Variants in PSD3 observed in about 807,000 individuals in gnomAD.
PSD3 encodes the protein PH and SEC7 domain-containing protein 3.
Under a neutral mutation model 105.5 loss-of-function variants are expected in PSD3, and 49 were observed. That is an observed-to-expected ratio of 0.46 (90% CI 0.37 to 0.59). The LOEUF (loss-of-function observed/expected upper bound fraction) is 0.59, where lower values mean the gene tolerates loss of function less well. Among genes scored for constraint, PSD3 ranks in the 20% least tolerant of loss-of-function variants. The pLI, the probability that PSD3 is intolerant of heterozygous loss-of-function variation, is 0.00. For missense variants in PSD3, 1,561 were observed against 1,263.8 expected (o/e 1.24, Z -3.57); for synonymous variants, 557 against 457.8 (o/e 1.22, Z -2.77).
intron 10 of PSD3, among the ~76,000 whole-genome samples, chr8:18,647,985 A>G (rs2130823047): frequency 6.6e-6 from 1 of 152,306 alleles, no homozygotes; most frequent in African/African-American, 2.4e-5. Context: ...AGCAGATGCC[A>G]GCACCACGCT....
At chr8:18,982,275 T>C (rs976229984) in intron 1 of PSD3, among the ~76,000 whole-genome samples, 7 of 152,216 alleles carry the variant, frequency 4.6e-5, no homozygotes, top group Non-Finnish European at 7.3e-5. Flanking sequence ...TTAATTCTAG[T>C]TCTCTTGCTA....
intron 10 of PSD3, among the ~76,000 whole-genome samples, chr8:18,650,506 G>A (rs906926250): frequency 6.6e-6 from 1 of 152,222 alleles, no homozygotes; most frequent in Non-Finnish European, 1.5e-5. Context: ...ATATGACGTA[G>A]CAGAGACCTT....
intron 2 of PSD3, among the ~76,000 whole-genome samples, chr8:18,933,515 T>A (rs1197152690): frequency 2.0e-5 from 3 of 152,348 alleles, no homozygotes; most frequent in African/African-American, 7.2e-5. Flanking sequence ...TCATCCAGGC[T>A]GAAGTGCAGT....
rs150729280 is a variant in PSD3, at chr8:18,695,300, C to T, written c.2173-39615G>A. On this transcript the variant is annotated intron_variant, in intron 9 of 15. Coordinates refer to ENST00000327040, the MANE Select transcript of PSD3 (RefSeq NM_015310.4). ...ACTGCAGACACAACAGTCATTGATA[C>T]CTGTCAGCCCCAAATCAGCCTTGCA... Among the ~76,000 whole-genome samples, 858 of 152,328 alleles carry T rather than the reference C, an allele frequency of 5.6e-3. 1 individual carries two copies. Among genetic ancestry groups the T allele is most frequent in the Non-Finnish European group, 8.5e-3 (577 of 68,022 alleles).
chr8:19,039,637 C>T (rs968088433), intron 1 of PSD3, among the ~76,000 whole-genome samples: 3 of 152,210 alleles, frequency 2.0e-5, no homozygotes, highest in Admixed American at 6.5e-5. Flanking sequence ...ACACCTGTGG[C>T]TCCTGATGTC....
At position 18,575,936 on chromosome 8, in the gene PSD3, T is replaced by C. The variant is rs114346149; in HGVS notation, c.2482-651A>G. 6.5e-3 allele frequency among the ~76,000 whole-genome samples: 989 copies of C among 152,282 alleles called. 13 individuals are homozygous for C. The highest frequency in any genetic ancestry group is 0.022 in the African/African-American group (920 of 41,554). The stretch of plus-strand genomic sequence containing the variant: ...ATATGCTACCAACTGTTAGATATTT[T>C]CTAGAGTTTAAGGCCTCCCTTCCTC... On this transcript the variant is annotated intron_variant, in intron 12 of 15. Coordinates refer to ENST00000327040, the MANE Select transcript of PSD3 (RefSeq NM_015310.4).
chr8:19,044,806 TG>T (rs144658238), intron 1 of PSD3, among the ~76,000 whole-genome samples: 27,298 of 152,150 alleles, frequency 0.18, 3,845 homozygotes, highest in African/African-American at 0.4. Context: ...AATAGGAGTT[TG>T]GTGGAGAGAC....
intron 1 of PSD3, among the ~76,000 whole-genome samples, chr8:18,961,066 T>G (rs536083802): frequency 2.6e-4 from 40 of 152,238 alleles, no homozygotes; most frequent in Admixed American, 7.9e-4. Flanking sequence ...CCCTCCAGCC[T>G]GGGTGACAGA....
At chr8:18,591,114 T>G (rs887455140) in intron 12 of PSD3, among the ~76,000 whole-genome samples, 1 of 151,920 alleles carries the variant, frequency 6.6e-6, no homozygotes, top group Non-Finnish European at 1.5e-5. Flanking sequence ...AGTGAAGAGG[T>G]TGTAGTACCC....
At chr8:18,768,164 T>TA (rs1807190425) in intron 8 of PSD3, among the ~76,000 whole-genome samples, 1 of 148,066 alleles carries the variant, frequency 6.8e-6, no homozygotes, top group African/African-American at 2.5e-5. Flanking sequence ...CGGGCGCCTG[T>TA]AATCCCAGCT....
At chr8:19,045,370 C>G (rs907551045) in intron 1 of PSD3, among the ~76,000 whole-genome samples, 1 of 151,980 alleles carries the variant, frequency 6.6e-6, no homozygotes, top group Non-Finnish European at 1.5e-5. Context: ...GACAAGGGAC[C>G]TGTATATCCC....
intron 4 of PSD3, among the ~76,000 whole-genome samples, chr8:18,809,868 A>C (rs533841062): frequency 1.3e-5 from 2 of 152,292 alleles, no homozygotes; most frequent in African/African-American, 4.8e-5. Flanking sequence ...AAAACAAAAC[A>C]AAAACAAAAA....
intron 9 of PSD3, among the ~76,000 whole-genome samples, chr8:18,666,897 G>A (rs1289893619): frequency 7.9e-5 from 12 of 152,148 alleles, no homozygotes; most frequent in Non-Finnish European, 7.4e-5. Flanking sequence ...GAATTGGTGG[G>A]TTCTTGGTCT....
At chr8:19,044,174 C>G (rs953450786) in intron 1 of PSD3, among the ~76,000 whole-genome samples, 1 of 152,218 alleles carries the variant, frequency 6.6e-6, no homozygotes, top group African/African-American at 2.4e-5. Context: ...CATTTGGCTC[C>G]TGCTTATCAA....
chr8:18,862,564 G>C (rs1156358698), intron 4 of PSD3, among the ~76,000 whole-genome samples: 1 of 152,114 alleles, frequency 6.6e-6, no homozygotes, highest in Non-Finnish European at 1.5e-5. Flanking sequence ...ACCAATGGCA[G>C]AAAAGAAGCC....
intron 9 of PSD3, among the ~76,000 whole-genome samples, chr8:18,726,857 T>C (rs926420628): frequency 6.6e-6 from 1 of 152,152 alleles, no homozygotes; most frequent in African/African-American, 2.4e-5. Flanking sequence ...ATTTCCACTA[T>C]CCAGACAGTC....
intron 11 of PSD3, among the ~76,000 whole-genome samples, chr8:18,628,089 CAA>C (rs1000092797): frequency 1.8e-4 from 27 of 151,768 alleles, no homozygotes; most frequent in African/African-American, 5.6e-4. Flanking sequence ...ACTGAAATGA[CAA>C]AGAGTTAAAA....
rs748914113 is a variant in PSD3, at chr8:18,799,280, C to T, written c.2082+15G>A. 1.3e-5 allele frequency: 20 copies of T among 1,589,352 alleles called. No individual in the cohort carries two copies. The highest frequency in any genetic ancestry group is 1.6e-5 in the Non-Finnish European group (19 of 1,157,652). On this transcript the variant is annotated intron_variant, in intron 8 of 15. Transcript: ENST00000327040. ...CGACATGTTTTGGATCTAAGTTTCACAAATCCACACTTACGTGGCCATGTA... is the reference window on the plus strand; with the variant it reads ...CGACATGTTTTGGATCTAAGTTTCATAAATCCACACTTACGTGGCCATGTA...
intron 9 of PSD3, among the ~76,000 whole-genome samples, chr8:18,752,657 TTATATTTGATATATATCA>T (rs1805705796): frequency 9.6e-6 from 1 of 103,948 alleles, no homozygotes; most frequent in Non-Finnish European, 1.8e-5. Context: ...ATATAATATA[TTATATTTGATATATATCA>T]AATATATAAT....
Sources: gnomAD v4.1 joint callset for allele counts (sites outside exome capture counted in the v4.1 genomes callset) on GRCh38, gnomAD v4.1.1 for gene constraint, MANE v1.5 for transcripts, NCBI Gene and HGNC (gene_info 2026-07-23, HGNC 2026-07-21) for gene names.